Variants in NFIB observed in about 807,000 individuals in gnomAD.
NFIB encodes nuclear factor I B.
NFIB carries 11 observed loss-of-function variants against 61.5 expected under a neutral mutation model. The observed-to-expected ratio is 0.18, with a 90% CI of 0.11 to 0.30. NFIB has a LOEUF of 0.30. NFIB is among the 10% of genes least tolerant of loss of function. The probability of loss-of-function intolerance (pLI) is 1.00; values close to 1 mark genes in which losing one functional copy is unlikely to be tolerated. For synonymous variants in NFIB, 260 were observed against 216.5 expected (o/e 1.20, Z -1.76); for missense variants, 471 against 608.9 (o/e 0.77, Z 2.38).
chr9:14,099,705 G>A (rs1204896117), intron 10 of NFIB, among the ~76,000 whole-genome samples: 1 of 152,184 alleles, frequency 6.6e-6, no homozygotes, highest in Non-Finnish European at 1.5e-5. Context: ...AATAATATCT[G>A]TTCAATGTAG....
chr9:14,450,063 G>A, the NFIB span, among the ~76,000 whole-genome samples: 2 of 152,104 alleles, frequency 1.3e-5, no homozygotes, highest in South Asian at 2.1e-4. Flanking sequence ...TTGGTTTGCT[G>A]CACCCATTAA....
intron 1 of NFIB, among the ~76,000 whole-genome samples, chr9:14,343,175 G>C (rs909592118): frequency 6.6e-6 from 1 of 152,140 alleles, no homozygotes; most frequent in African/African-American, 2.4e-5. Context: ...ACAATCTTCT[G>C]ACAGTTGAAA....
At chr9:14,447,726 A>G in the NFIB span, among the ~76,000 whole-genome samples, 194 of 152,282 alleles carry the variant, frequency 1.3e-3, 1 homozygote, top group African/African-American at 4.4e-3. Flanking sequence ...GGATACAGGC[A>G]TGTGGACTCC....
At chr9:14,385,208 C>G (rs561743233) in intron 1 of NFIB, among the ~76,000 whole-genome samples, 2 of 152,220 alleles carry the variant, frequency 1.3e-5, no homozygotes, top group South Asian at 4.1e-4. Flanking sequence ...CCCACTCAGC[C>G]GATGAGGAAA....
At chr9:14,169,027 G>C (rs1326758396) in intron 3 of NFIB, among the ~76,000 whole-genome samples, 5 of 152,136 alleles carry the variant, frequency 3.3e-5, no homozygotes, top group African/African-American at 1.2e-4. Flanking sequence ...TCATCTTCTA[G>C]TTCTATCTTA....
intron 8 of NFIB, among the ~76,000 whole-genome samples, chr9:14,119,575 A>C (rs560068158): frequency 6.6e-6 from 1 of 152,210 alleles, no homozygotes; most frequent in African/African-American, 2.4e-5. Flanking sequence ...GTTCCACCGT[A>C]GTAATGACGG....
intron 1 of NFIB, chr9:14,398,505 T>A: frequency 6.6e-7 from 1 of 1,516,950 alleles, no homozygotes; most frequent in Non-Finnish European, 8.8e-7. Context: ...CTGGTTAAAT[T>A]TGTGAAATTT....
At chr9:14,223,702 C>T (rs2052003490) in intron 2 of NFIB, among the ~76,000 whole-genome samples, 1 of 152,070 alleles carries the variant, frequency 6.6e-6, no homozygotes, top group Admixed American at 6.5e-5. Flanking sequence ...TGGTTAGAGG[C>T]CAATCTAATT....
intron 2 of NFIB, among the ~76,000 whole-genome samples, chr9:14,188,670 T>C (rs1318834307): frequency 6.6e-6 from 1 of 152,216 alleles, no homozygotes; most frequent in East Asian, 1.9e-4. Context: ...GAGGAACAAT[T>C]TGCCAACGCA....
At chr9:14,207,730 C>T (rs534010126) in intron 2 of NFIB, among the ~76,000 whole-genome samples, 30 of 152,298 alleles carry the variant, frequency 2.0e-4, no homozygotes, top group African/African-American at 6.3e-4. Flanking sequence ...ATTTCTCCCA[C>T]GTGTCATTTT....
chr9:14,151,447 G>T (rs1202854130), intron 4 of NFIB, among the ~76,000 whole-genome samples: 2 of 151,928 alleles, frequency 1.3e-5, no homozygotes, highest in Non-Finnish European at 2.9e-5. Flanking sequence ...AAAAATATTG[G>T]GCAACAAGCT....
At chr9:14,331,007 C>T (rs572972789) in intron 1 of NFIB, among the ~76,000 whole-genome samples, 2 of 152,088 alleles carry the variant, frequency 1.3e-5, no homozygotes, top group South Asian at 2.1e-4. Context: ...TAAGTGACTA[C>T]CTACCAGCCG....
In NFIB at chr9:14,313,342, G is replaced by A; in HGVS notation, c.30+140C>T. On this transcript the variant is annotated intron_variant, in intron 1 of 10. Coordinates refer to ENST00000380953, the MANE Select transcript of NFIB (RefSeq NM_001190737.2). This position sits in a 1 kb window ranked among gnomAD's most constrained non-coding sequence, Gnocchi z 4.5. Reference sequence around the variant, plus strand: ...CCCGGCTCCCACGCCGCCCCGCGACGCCCGCTGCAACTCCGGGCCACTTCT... The same window carrying A: ...CCCGGCTCCCACGCCGCCCCGCGACACCCGCTGCAACTCCGGGCCACTTCT... 4 of 1,209,696 alleles carry A rather than the reference G, an allele frequency of 3.3e-6. No individual in the cohort carries two copies. Among genetic ancestry groups the A allele is most frequent in the South Asian group, 1.6e-5 (1 of 63,582 alleles). 74.9% of individuals were successfully genotyped at this position (1,209,696 alleles called of 1,614,324 possible). A position where few individuals can be genotyped will look rare whatever the true frequency, so the allele number is the denominator to read the frequency against.
At chr9:14,389,555 G>C (rs1363345167) in intron 1 of NFIB, among the ~76,000 whole-genome samples, 1 of 152,066 alleles carries the variant, frequency 6.6e-6, no homozygotes, top group Non-Finnish European at 1.5e-5. Context: ...AAGTAACTTG[G>C]ACCAGAATTT....
At chr9:14,212,848 T>C (rs866203634) in intron 2 of NFIB, among the ~76,000 whole-genome samples, 5 of 152,322 alleles carry the variant, frequency 3.3e-5, no homozygotes, top group Non-Finnish European at 2.9e-5. Flanking sequence ...TATCCCCATT[T>C]CATAGATAAG....
At chr9:14,466,007 G>A in the NFIB span, among the ~76,000 whole-genome samples, 10 of 152,084 alleles carry the variant, frequency 6.6e-5, no homozygotes, top group East Asian at 1.9e-4. Flanking sequence ...AGAAAAGCAC[G>A]GCAGGACTGA....
At chr9:14,403,553 T>C (rs2133057876), upstream of NFIB, among the ~76,000 whole-genome samples, 1 of 151,476 alleles carries the variant, frequency 6.6e-6, no homozygotes, top group South Asian at 2.1e-4. Flanking sequence ...TTCCCATTTC[T>C]CTTTTTTCCT....
chr9:14,290,189 T>G (rs1026514759), intron 2 of NFIB, among the ~76,000 whole-genome samples: 1 of 152,122 alleles, frequency 6.6e-6, no homozygotes, highest in Admixed American at 6.5e-5. Context: ...GCATTGTGAT[T>G]AGCTGTGGCT....
At chr9:14,485,516 T>C in the NFIB span, among the ~76,000 whole-genome samples, 1 of 152,194 alleles carries the variant, frequency 6.6e-6, no homozygotes, top group Non-Finnish European at 1.5e-5. Flanking sequence ...ACTTATTCAA[T>C]AAACATTATG....
Sources: gnomAD v4.1 joint callset for allele counts (sites outside exome capture counted in the v4.1 genomes callset) on GRCh38, gnomAD v4.1.1 for gene constraint, Gnocchi (gnomAD v3.1) non-coding constraint, MANE v1.5 for transcripts, NCBI Gene and HGNC (gene_info 2026-07-23, HGNC 2026-07-21) for gene names.